The following LUZP2 variants were observed in gnomAD, a reference collection of about 807,000 sequenced individuals.
LUZP2 encodes the protein leucine zipper protein 2.
Under a neutral mutation model 51.6 loss-of-function variants are expected in LUZP2, and 52 were observed. The observed-to-expected ratio is 1.01, with a 90% CI of 0.81 to 1.27. The LOEUF is 1.27. Among genes scored for constraint, LUZP2 ranks in the 50% most tolerant of loss-of-function variants. LUZP2 has a pLI of 0.00. For synonymous variants in LUZP2, 154 were observed against 137.3 expected (o/e 1.12, Z -0.85); for missense variants, 436 against 395.4 (o/e 1.10, Z -0.87).
chr11:24,736,728 T>C (rs574535311), intron 3 of LUZP2, among the ~76,000 whole-genome samples: 92 of 151,992 alleles, frequency 6.1e-4, no homozygotes, highest in African/African-American at 2.0e-3. Flanking sequence ...ATGGAAAATA[T>C]CAGAAATAAT....
At chr11:24,966,788 T>C (rs1277674331) in intron 7 of LUZP2, among the ~76,000 whole-genome samples, 3 of 147,724 alleles carry the variant, frequency 2.0e-5, no homozygotes, top group African/African-American at 7.4e-5. Flanking sequence ...ATATATTCAT[T>C]ATATCAGTTG....
In LUZP2 at chr11:24,517,483, C is replaced by CAAAAAAAA. The variant is rs71041768; in HGVS notation, c.62+20201_62+20208dup. On this transcript the variant is annotated intron_variant, in intron 1 of 11. Transcript: ENST00000336930. ...CCTGGGTGACAGAGCCAGACGCCGT[C>CAAAAAAAA]AAAAAAAAAAAAAAAAAAAAAAAAA... is the stretch of plus-strand genomic sequence containing the variant. Among the ~76,000 whole-genome samples the CAAAAAAAA allele has an allele frequency of 6.0e-3, 266 of 44,152 alleles. 35 individuals carry two copies. The highest frequency in any genetic ancestry group is 0.015 in the African/African-American group (174 of 11,862). 29.0% of individuals were successfully genotyped at this position (44,152 alleles called of 152,430 possible).
At chr11:24,574,832 A>G (rs1852590752) in intron 1 of LUZP2, among the ~76,000 whole-genome samples, 2 of 152,152 alleles carry the variant, frequency 1.3e-5, no homozygotes, top group African/African-American at 2.4e-5. Flanking sequence ...GCTGAGTTGT[A>G]ACATTGACTA....
chr11:24,989,895 C>G (rs536930703), intron 9 of LUZP2, among the ~76,000 whole-genome samples: 9 of 152,182 alleles, frequency 5.9e-5, no homozygotes, highest in African/African-American at 2.2e-4. Flanking sequence ...ACTAGTATTG[C>G]TAATTATTAT....
At chr11:24,710,076 G>T (rs1435357438) in intron 1 of LUZP2, among the ~76,000 whole-genome samples, 2 of 152,042 alleles carry the variant, frequency 1.3e-5, no homozygotes, top group Non-Finnish European at 2.9e-5. Context: ...TCATTTGCTG[G>T]AACCAGACCC....
At chr11:25,001,754 A>C (rs998369978) in intron 9 of LUZP2, among the ~76,000 whole-genome samples, 1 of 151,042 alleles carries the variant, frequency 6.6e-6, no homozygotes, top group Non-Finnish European at 1.5e-5. Context: ...ACTTTCTGTC[A>C]GTCTCTTCCT....
intron 11 of LUZP2, among the ~76,000 whole-genome samples, chr11:25,078,208 C>G (rs1859371565): frequency 6.6e-6 from 1 of 152,156 alleles, no homozygotes; most frequent in South Asian, 2.1e-4. Context: ...AATATTGTAT[C>G]ATTGACATTC....
At chr11:25,029,475 C>T (rs1045551308) in intron 9 of LUZP2, among the ~76,000 whole-genome samples, 3 of 152,040 alleles carry the variant, frequency 2.0e-5, no homozygotes, top group Non-Finnish European at 1.5e-5. Flanking sequence ...CAGTGGCTCA[C>T]ACCTGTAATC....
chr11:24,760,559 TTC>T (rs1314147011), intron 4 of LUZP2, among the ~76,000 whole-genome samples: 2 of 152,332 alleles, frequency 1.3e-5, no homozygotes, highest in Non-Finnish European at 2.9e-5. Context: ...ATTCTCAAGC[TTC>T]TCTTTCTGTA....
At chr11:24,982,226 A>G (rs1856054023) in intron 8 of LUZP2, among the ~76,000 whole-genome samples, 2 of 151,930 alleles carry the variant, frequency 1.3e-5, no homozygotes, top group Admixed American at 1.3e-4. Flanking sequence ...TAAAAGCAGA[A>G]CTATCATTTG....
chr11:24,647,321 T>G (rs1249329270), intron 1 of LUZP2, among the ~76,000 whole-genome samples: 1 of 151,866 alleles, frequency 6.6e-6, no homozygotes, highest in Non-Finnish European at 1.5e-5. Flanking sequence ...TTAATAAAAT[T>G]TATACAGAAA....
At chr11:24,601,903 T>C in intron 1 of LUZP2, among the ~76,000 whole-genome samples, 1 of 78,282 alleles carries the variant, frequency 1.3e-5, no homozygotes, top group East Asian at 2.3e-4. Context: ...TATGTATATA[T>C]GTATATATGT....
At chr11:24,538,763 A>C (rs1335654634) in intron 1 of LUZP2, among the ~76,000 whole-genome samples, 1 of 151,758 alleles carries the variant, frequency 6.6e-6, no homozygotes, top group Non-Finnish European at 1.5e-5. Flanking sequence ...CGTAAGTAAA[A>C]TATTTCACAG....
At chr11:25,016,932 A>T (rs1328692400) in intron 9 of LUZP2, among the ~76,000 whole-genome samples, 1 of 122,972 alleles carries the variant, frequency 8.1e-6, no homozygotes, top group East Asian at 7.8e-4. Flanking sequence ...CCTTGCCGAC[A>T]TCATTTTTTT....
intron 7 of LUZP2, among the ~76,000 whole-genome samples, chr11:24,973,597 T>C (rs1409481910): frequency 6.6e-6 from 1 of 152,026 alleles, no homozygotes; most frequent in Non-Finnish European, 1.5e-5. Context: ...AATTTCCTTC[T>C]TAACTTTGCT....
At chr11:24,593,455 T>G (rs530488532) in intron 1 of LUZP2, among the ~76,000 whole-genome samples, 1 of 152,306 alleles carries the variant, frequency 6.6e-6, no homozygotes, top group African/African-American at 2.4e-5. Flanking sequence ...GAGCTCGAGC[T>G]TACTCACATA....
At chr11:24,790,533 G>C (rs1463419059) in intron 5 of LUZP2, among the ~76,000 whole-genome samples, 1 of 150,410 alleles carries the variant, frequency 6.6e-6, no homozygotes, top group Non-Finnish European at 1.5e-5. Flanking sequence ...ACAGATTATT[G>C]CTCTGTCATC....
rs980741564 is a variant in LUZP2, at chr11:25,080,204, T to A, written c.*1546T>A. ...TACATGCTTTGAATTTTGAATTTTG[T>A]TATTTTTTGGAGGGCTAGTGATACA... On this transcript the variant is annotated 3_prime_UTR_variant, in exon 12 of 12. Coordinates refer to ENST00000336930, the MANE Select transcript of LUZP2 (RefSeq NM_001009909.4). 2 of 152,324 alleles carry A rather than the reference T, an allele frequency of 1.3e-5. No individual in the cohort carries two copies. Among genetic ancestry groups the A allele is most frequent in the Non-Finnish European group, 2.9e-5 (2 of 68,036 alleles). The allele number at this position is 152,324 out of a possible 1,614,324, so 9.4% of individuals were successfully genotyped here. A position where few individuals can be genotyped will look rare whatever the true frequency, so the allele number is the denominator to read the frequency against.
chr11:24,544,645 G>A (rs1181952204), intron 1 of LUZP2, among the ~76,000 whole-genome samples: 1 of 151,944 alleles, frequency 6.6e-6, no homozygotes, highest in African/African-American at 2.4e-5. Context: ...AGTATTCAAT[G>A]GTGTATACAT....
Sources: gnomAD v4.1 joint callset for allele counts (sites outside exome capture counted in the v4.1 genomes callset) on GRCh38, gnomAD v4.1.1 for gene constraint, MANE v1.5 for transcripts, NCBI Gene and HGNC (gene_info 2026-07-23, HGNC 2026-07-21) for gene names.